Variants in RPE observed in about 807,000 individuals in gnomAD.
RPE encodes the protein ribulose-5-phosphate-3-epimerase.
RPE carries 16 observed loss-of-function variants against 24.6 expected under a neutral mutation model. That is an observed-to-expected ratio of 0.65 (90% CI 0.44 to 0.99). The LOEUF is 0.99. RPE is among the 50% of genes least tolerant of loss of function. The pLI is 0.00. For missense variants in RPE, 240 were observed against 294.5 expected (o/e 0.81, Z 1.35); for synonymous variants, 93 against 98.4 (o/e 0.94, Z 0.33).
intron 1 of RPE, among the ~76,000 whole-genome samples, chr2:210,003,655 A>G (rs1260940918): frequency 6.6e-6 from 1 of 152,196 alleles, no homozygotes; most frequent in East Asian, 1.9e-4. Flanking sequence ...TAGTTCTCTG[A>G]GCCCCACTGT....
chr2:210,006,255 C>T (rs1208866039), intron 1 of RPE, among the ~76,000 whole-genome samples: 1 of 152,162 alleles, frequency 6.6e-6, no homozygotes, highest in African/African-American at 2.4e-5. Context: ...AATTCAGATT[C>T]CCGGTCCTCT....
At chr2:210,017,431 A>G in intron 4 of RPE, 42 bp from the exon 5 acceptor site, 2 of 1,220,492 alleles carry the variant, frequency 1.6e-6, no homozygotes, top group Non-Finnish European at 1.2e-6. Context: ...CCACCAACAT[A>G]CCCACTTTAG....
intron 1 of RPE, among the ~76,000 whole-genome samples, chr2:210,008,631 C>T (rs929252374): frequency 6.6e-6 from 1 of 151,346 alleles, no homozygotes; most frequent in South Asian, 2.1e-4. Flanking sequence ...AGTGATAGAA[C>T]AAAAAGATTA....
chr2:210,010,899 C>T (rs1013498346), intron 2 of RPE, among the ~76,000 whole-genome samples: 1 of 151,532 alleles, frequency 6.6e-6, no homozygotes, highest in African/African-American at 2.4e-5. Flanking sequence ...GCCTGAGTGA[C>T]AGTGTGACAC....
At chr2:210,011,807 A>G (rs1033970346) in intron 2 of RPE, among the ~76,000 whole-genome samples, 1 of 149,858 alleles carries the variant, frequency 6.7e-6, no homozygotes, top group African/African-American at 2.5e-5. Context: ...CTAAGACTAC[A>G]GGTGTGTGCC....
intron 1 of RPE, among the ~76,000 whole-genome samples, chr2:210,004,825 G>T (rs1283926826): frequency 1.3e-5 from 2 of 152,072 alleles, no homozygotes; most frequent in Non-Finnish European, 2.9e-5. Context: ...CAGCTCTATG[G>T]CAGACTGAGC....
In RPE at chr2:210,019,711, A is replaced by C; in HGVS notation, c.607A>C (p.Ser203Arg). 1.2e-6 allele frequency: 2 copies of C among 1,613,540 alleles called. No individual in the cohort carries two copies. Among genetic ancestry groups the C allele is most frequent in the Non-Finnish European group, 1.7e-6 (2 of 1,179,548 alleles). ...TGTGTCTGGCAGTGCTATTATGAGGAGTGAAGACCCCAGATCTGTGATCAA... is the reference window on the plus strand; with the variant it reads ...TGTGTCTGGCAGTGCTATTATGAGGCGTGAAGACCCCAGATCTGTGATCAA... ...MIVSGSAIMR[S>R]EDPRSVINLL... The change falls in exon 6 of 6, where the codon AGT (serine) becomes CGT (arginine). Residue 203 changes from serine to arginine, a missense_variant. Ser to Arg is a moderately radical substitution (Grantham distance 110). Coordinates refer to ENST00000359429, the MANE Select transcript of RPE (RefSeq NM_199229.3).
chr2:210,009,517 T>C (rs921631685), intron 1 of RPE, 140 bp from the exon 2 acceptor site: 1 of 1,110,916 alleles, frequency 9.0e-7, no homozygotes, highest in Non-Finnish European at 1.3e-6. Context: ...TTATTTTTAG[T>C]ATTATTTAAT....
chr2:210,016,490 A>G lies in RPE; in HGVS notation c.343-17A>G. On this transcript the variant is annotated splice_polypyrimidine_tract_variant and intron_variant, in intron 3 of 5. Coordinates refer to ENST00000359429, the MANE Select transcript of RPE (RefSeq NM_199229.3). ...AGTAATTGTAAATGTGATATAGCAT[A>G]TTTGTGTCTGTTACAGGTTGGCCTT... The G allele has an allele frequency of 6.2e-7, 1 of 1,614,220 alleles. No individual in the cohort carries two copies. Among genetic ancestry groups the G allele is most frequent in the South Asian group, 1.1e-5 (1 of 91,078 alleles).
Position 210,017,449 on chromosome 2 carries a change from T to G in RPE, c.478-24T>G, listed in dbSNP as rs764923712. On this transcript the variant is annotated intron_variant, in intron 4 of 5. Transcript: ENST00000359429. ...CCAACATACCCACTTTAGGAGTTAC[T>G]TATTTCCTCATGTATATATCTAGGT... 1.2e-5 allele frequency: 11 copies of G among 913,302 alleles called. No homozygotes were observed. In the South Asian group the frequency reaches 1.3e-4, roughly 11 times the overall value. The allele number at this position is 913,302 out of a possible 1,614,324, so 56.6% of individuals were successfully genotyped here.
At chr2:210,003,834 G>T (rs891464584) in intron 1 of RPE, among the ~76,000 whole-genome samples, 11 of 152,164 alleles carry the variant, frequency 7.2e-5, no homozygotes, top group African/African-American at 1.4e-4. Flanking sequence ...GCTTTGAAGA[G>T]TTTTATCTTC....
At chr2:210,019,495 C>T (rs1229568966) in intron 5 of RPE, among the ~76,000 whole-genome samples, 174 bp from the exon 6 acceptor site, 3 of 152,134 alleles carry the variant, frequency 2.0e-5, no homozygotes, top group African/African-American at 7.2e-5. Flanking sequence ...CATCTGTGAA[C>T]ATTTTAAATT....
intron 2 of RPE, among the ~76,000 whole-genome samples, chr2:210,012,222 C>G (rs975364520): frequency 3.3e-5 from 5 of 152,136 alleles, no homozygotes; most frequent in Non-Finnish European, 7.4e-5. Flanking sequence ...TGTATAAGGA[C>G]CCACACAAAT....
At position 210,019,926 on chromosome 2, in the gene RPE, T is replaced by G; in HGVS notation, c.*135T>G. ...AGTTATTCATTCCAGTGATTAAAAC[T>G]GATTGTGCAGAATATTCTAAGAGGT... On this transcript the variant is annotated 3_prime_UTR_variant, in exon 6 of 6. Coordinates refer to ENST00000359429, the MANE Select transcript of RPE (RefSeq NM_199229.3). 2 of 1,198,860 alleles carry G rather than the reference T, an allele frequency of 1.7e-6. No homozygotes were observed. Among genetic ancestry groups the G allele is most frequent in the South Asian group, 3.5e-5 (2 of 56,648 alleles). 74.3% of individuals were successfully genotyped at this position (1,198,860 alleles called of 1,614,324 possible). A position where few individuals can be genotyped will look rare whatever the true frequency, so the allele number is the denominator to read the frequency against.
intron 5 of RPE, chr2:210,018,578 G>A (rs1197389047): frequency 1.0e-6 from 1 of 984,946 alleles, no homozygotes; most frequent in African/African-American, 1.8e-5. Flanking sequence ...CCTATCAAAA[G>A]CTTGACAGTA....
At chr2:210,005,537 C>T (rs2093619211) in intron 1 of RPE, among the ~76,000 whole-genome samples, 1 of 152,084 alleles carries the variant, frequency 6.6e-6, no homozygotes, top group African/African-American at 2.4e-5. Context: ...TCATCCTAAC[C>T]ATGGGAACAG....
chr2:210,018,733 A>G, intron 5 of RPE: 1 of 983,332 alleles, frequency 1.0e-6, no homozygotes, highest in Non-Finnish European at 1.2e-6. Flanking sequence ...TTTTTGTGTG[A>G]AAAATCAGAC....
intron 4 of RPE, among the ~76,000 whole-genome samples, chr2:210,017,169 A>G (rs1415729913): frequency 6.6e-6 from 1 of 152,146 alleles, no homozygotes; most frequent in Non-Finnish European, 1.5e-5. Flanking sequence ...TTTTGAAACT[A>G]TTATCTCTAA....
At chr2:210,005,079 T>C (rs1271682995) in intron 1 of RPE, among the ~76,000 whole-genome samples, 3 of 152,060 alleles carry the variant, frequency 2.0e-5, no homozygotes, top group Non-Finnish European at 2.9e-5. Context: ...ATTCAGCTTC[T>C]TCCCTGATGT....
Sources: allele counts gnomAD v4.1 joint callset (sites outside exome capture counted in the v4.1 genomes callset), GRCh38; gene constraint gnomAD v4.1.1; transcripts MANE v1.5; gene names NCBI Gene and HGNC (gene_info 2026-07-23, HGNC 2026-07-21).